ANKK1: variants seen among roughly 807,000 people sequenced by gnomAD.
ANKK1 encodes the protein ankyrin repeat and kinase domain containing 1, also known as ankyrin repeat and protein kinase domain-containing protein 1.
Under a neutral mutation model 37.6 loss-of-function variants are expected in ANKK1, and 37 were observed. That is an observed-to-expected ratio of 0.98 (90% CI 0.76 to 1.29). The LOEUF is 1.29. Ranked by LOEUF, ANKK1 falls within the 50% of genes most tolerant of loss-of-function variation. The pLI is 0.00. For missense variants in ANKK1, 1,019 were observed against 990.6 expected, an observed-to-expected ratio of 1.03 and a Z score of -0.39; for synonymous variants, 415 against 418.7, an observed-to-expected ratio of 0.99 and a Z score of 0.11.
In ANKK1 at chr11:113,400,243, G is replaced by A; in HGVS notation, c.2274G>A (p.Lys758=). 1 of 1,541,894 alleles carries A rather than the reference G, an allele frequency of 6.5e-7. No individual in the cohort carries two copies. Among genetic ancestry groups the A allele is most frequent in the Non-Finnish European group, 8.8e-7 (1 of 1,140,938 alleles). The change falls in exon 8 of 8, where the codon AAG becomes AAA. Residue 758 remains lysine (K), a synonymous_variant. Coordinates refer to ENST00000303941, the MANE Select transcript of ANKK1 (RefSeq NM_178510.2). ...EPSVATLGGS[K]PGAEMEI ...CAGTGGCCACTCTGGGTGGTTCTAAGCCAGGAGCCGAGATGGAAATTTAGA... is the reference window on the plus strand; with the variant it reads ...CAGTGGCCACTCTGGGTGGTTCTAAACCAGGAGCCGAGATGGAAATTTAGA...
In ANKK1 at chr11:113,393,640, CT is replaced by C; in HGVS notation, c.346del (p.Cys116AlafsTer16). The C allele has an allele frequency of 6.2e-7, 1 of 1,613,968 alleles. No homozygotes were observed. On this transcript the variant is annotated frameshift_variant, in exon 2 of 8. Transcript: ENST00000303941. LOFTEE classifies it high-confidence loss of function. ...AGAAGGTGCTGTCCACCCACAGCCT[CT>C]GCTGGAAGCTCAGGTTCCGCATCAT... ...LEKVLSTHSL[C>X]WKLRFRIIHE...
chr11:113,389,244 C>A (rs944480857), intron 1 of ANKK1, among the ~76,000 whole-genome samples: 2 of 152,174 alleles, frequency 1.3e-5, no homozygotes, highest in Non-Finnish European at 2.9e-5. Flanking sequence ...ATGCTAACTC[C>A]TGCCACTTTC....
At position 113,396,888 on chromosome 11, in the gene ANKK1, G is replaced by A. The variant is rs550220566; in HGVS notation, c.839-336G>A. ...TTTCCTCATTTGTAAAATGTTTCCAGGCCATGAGATCACAGGCTGAGGATG... is the reference window on the plus strand; with the variant it reads ...TTTCCTCATTTGTAAAATGTTTCCAAGCCATGAGATCACAGGCTGAGGATG... On this transcript the variant is annotated intron_variant, in intron 5 of 7. Coordinates refer to ENST00000303941, the MANE Select transcript of ANKK1 (RefSeq NM_178510.2). Among the ~76,000 whole-genome samples, 4 of 152,306 alleles carry A rather than the reference G, an allele frequency of 2.6e-5. No individual in the cohort carries two copies. The East Asian group carries it at 7.7e-4, about 29-fold the overall frequency.
At position 113,388,076 on chromosome 11, in the gene ANKK1, C is replaced by T. The variant is rs1449837804; in HGVS notation, c.185+7C>T. The T allele has an allele frequency of 3.4e-6, 5 of 1,472,940 alleles. No individual in the cohort carries two copies. In the African/African-American group the frequency reaches 5.7e-5, roughly 17 times the overall value. 91.2% of individuals were successfully genotyped at this position (1,472,940 alleles called of 1,614,324 possible). A position where few individuals can be genotyped will look rare whatever the true frequency, so the allele number is the denominator to read the frequency against. ...TTCCACCCGACGCCGCCAGGTACTG[C>T]CAGCCTCGCCCTCCCCTTTCTCGGA... On this transcript the variant is annotated splice_region_variant and intron_variant, in intron 1 of 7. Coordinates refer to ENST00000303941, the MANE Select transcript of ANKK1 (RefSeq NM_178510.2).
Position 113,387,869 on chromosome 11 carries a change from C to T in ANKK1, c.-16C>T. 6.6e-7 allele frequency: 1 copy of T among 1,507,494 alleles called. No homozygotes were observed. The highest frequency in any genetic ancestry group is 8.9e-7 in the Non-Finnish European group (1 of 1,127,266). 93.4% of individuals were successfully genotyped at this position (1,507,494 alleles called of 1,614,324 possible). On this transcript the variant is annotated 5_prime_UTR_variant, in exon 1 of 8. Coordinates refer to ENST00000303941, the MANE Select transcript of ANKK1 (RefSeq NM_178510.2). Reference sequence around the variant, plus strand: ...CAGCGGGGAGTGCGCGGCGCGGGGACAGGAAGAGAGGGGCAATGGCTGCCG... The same window carrying T: ...CAGCGGGGAGTGCGCGGCGCGGGGATAGGAAGAGAGGGGCAATGGCTGCCG...
At position 113,395,413 on chromosome 11, in the gene ANKK1, G is replaced by T. The variant is rs765015422; in HGVS notation, c.682+5G>T. ...CTCAGAAGAAACCATACTCAGGTAA[G>T]CAGGCGGCTGTGGCTCTGTGTTGGG... On this transcript the variant is annotated splice_donor_5th_base_variant and intron_variant, in intron 4 of 7. Transcript: ENST00000303941. 1 of 1,613,878 alleles carries T rather than the reference G, an allele frequency of 6.2e-7. No individual in the cohort carries two copies. Among genetic ancestry groups the T allele is most frequent in the Non-Finnish European group, 8.5e-7 (1 of 1,179,822 alleles).
At chr11:113,397,051 T>C (rs1036278971) in intron 5 of ANKK1, among the ~76,000 whole-genome samples, 173 bp from the exon 6 acceptor site, 3 of 152,220 alleles carry the variant, frequency 2.0e-5, no homozygotes, top group African/African-American at 7.2e-5. Context: ...AGTGACTTGC[T>C]GAAGGTGCCC....
chr11:113,391,249 G>T (rs1041016092), intron 1 of ANKK1, among the ~76,000 whole-genome samples: 1 of 152,132 alleles, frequency 6.6e-6, no homozygotes, highest in Non-Finnish European at 1.5e-5. Context: ...ATGAGAGGAG[G>T]GTGATTAGGA....
In ANKK1 at chr11:113,399,875, C is replaced by G. The variant is rs775420902; in HGVS notation, c.1906C>G (p.His636Asp). ...NWTPLHLAARHGEEAVVSALL... is the reference protein window; with the variant it reads ...NWTPLHLAARDGEEAVVSALL... ...GACTCCCCTGCACCTAGCTGCACGC[C>G]ACGGGGAGGAGGCGGTGGTGTCAGC... is the stretch of plus-strand genomic sequence containing the variant. Residue 636 changes from histidine (H) to aspartate (D), a missense_variant, in exon 8 of 8, where the codon CAC becomes GAC. His to Asp is a moderately conservative substitution (Grantham distance 81). Coordinates refer to ENST00000303941, the MANE Select transcript of ANKK1 (RefSeq NM_178510.2). The G allele has an allele frequency of 3.7e-6, 6 of 1,613,092 alleles. No individual in the cohort carries two copies. In the Admixed American group the frequency reaches 1.0e-4, roughly 27 times the overall value.
In ANKK1 at chr11:113,399,787, G is replaced by A. The variant is rs753990582; in HGVS notation, c.1818G>A (p.Leu606=). ...PLHLAAYKGH[L]EIIHLLAESH... Reference sequence around the variant, plus strand: ...ATCTAGCAGCCTACAAGGGCCACCTGGAGATCATCCATCTGCTGGCAGAGA... The same window carrying A: ...ATCTAGCAGCCTACAAGGGCCACCTAGAGATCATCCATCTGCTGGCAGAGA... The change falls in exon 8 of 8, where the codon CTG becomes CTA. Residue 606 remains leucine, a synonymous_variant. Transcript: ENST00000303941. 1 of 1,603,488 alleles carries A rather than the reference G, an allele frequency of 6.2e-7. No homozygotes were observed. Among genetic ancestry groups the A allele is most frequent in the South Asian group, 1.1e-5 (1 of 89,368 alleles).
At chr11:113,395,320 T>C in intron 3 of ANKK1, 39 bp from the exon 4 acceptor site, 2 of 1,612,810 alleles carry the variant, frequency 1.2e-6, no homozygotes, top group Non-Finnish European at 1.7e-6. Flanking sequence ...TCTTGGATGT[T>C]CAACTAAGTC....
intron 1 of ANKK1, among the ~76,000 whole-genome samples, chr11:113,389,947 T>C (rs537595518): frequency 4.6e-5 from 7 of 152,084 alleles, no homozygotes; most frequent in Admixed American, 2.6e-4. Flanking sequence ...AGTTAGGAGA[T>C]TGTTATCTTC....
intron 1 of ANKK1, among the ~76,000 whole-genome samples, chr11:113,389,451 C>A (rs1253819341): frequency 1.3e-5 from 2 of 152,186 alleles, no homozygotes; most frequent in East Asian, 3.9e-4. Context: ...CTGTTCTACA[C>A]CCTGGGATTA....
chr11:113,395,553 T>C, intron 4 of ANKK1, 145 bp downstream of exon 4: 1 of 837,488 alleles, frequency 1.2e-6, no homozygotes, highest in Non-Finnish European at 1.9e-6. Flanking sequence ...ATTCCTCTCC[T>C]CACCCTCCTT....
At chr11:113,394,690 A>G in intron 2 of ANKK1, 1 of 658,232 alleles carries the variant, frequency 1.5e-6, no homozygotes, top group Non-Finnish European at 2.8e-6. Context: ...TCACAATAGC[A>G]CTGTGAGTTA....
intron 1 of ANKK1, among the ~76,000 whole-genome samples, chr11:113,390,629 G>A (rs910601338): frequency 6.6e-6 from 1 of 152,012 alleles, no homozygotes; most frequent in Non-Finnish European, 1.5e-5. Context: ...CAGCTACTCA[G>A]GAGGTTGAGA....
rs767125783 is a variant in ANKK1 at position 113,399,443 on chromosome 11, G to A, written c.1474G>A (p.Ala492Thr). Residue 492 changes from alanine (A) to threonine (T), a missense_variant, in exon 8 of 8, where the codon GCT becomes ACT. Coordinates refer to ENST00000303941, the MANE Select transcript of ANKK1 (RefSeq NM_178510.2). ...SRQADPNLHE[A>T]EGKTPLHVAA... Reference sequence around the variant, plus strand: ...TCAGGCTGACCCCAACCTGCATGAGGCTGAGGGCAAGACCCCCCTCCATGT... The same window carrying A: ...TCAGGCTGACCCCAACCTGCATGAGACTGAGGGCAAGACCCCCCTCCATGT... The A allele has an allele frequency of 2.7e-5, 43 of 1,596,198 alleles. No individual in the cohort carries two copies. Among genetic ancestry groups the A allele is most frequent in the Non-Finnish European group, 3.4e-5 (40 of 1,171,674 alleles).
rs1294347453 is a variant in ANKK1 at position 113,393,543 on chromosome 11, T to C, written c.248T>C (p.Ile83Thr). Residue 83 changes from isoleucine to threonine, a missense_variant, in exon 2 of 8, where the codon ATC becomes ACC. Transcript: ENST00000303941. Reference protein sequence around the residue: ...AKMKKIKFQHIVSIYGVCKQP... With the variant: ...AKMKKIKFQHTVSIYGVCKQP... ...ATGAAGAAGATCAAGTTTCAGCACA[T>C]CGTGTCTATCTACGGGGTGTGCAAG... 2 of 1,613,854 alleles carry C rather than the reference T, an allele frequency of 1.2e-6. No homozygotes were observed. Among genetic ancestry groups the C allele is most frequent in the Non-Finnish European group, 1.7e-6 (2 of 1,179,896 alleles).
At chr11:113,395,337 A>G (rs1950628903) in intron 3 of ANKK1, 22 bp from the exon 4 acceptor site, 1 of 1,613,816 alleles carries the variant, frequency 6.2e-7, no homozygotes, top group East Asian at 2.2e-5. Flanking sequence ...AGTCATTCAG[A>G]AAGGGTTCTC....
Sources: allele counts gnomAD v4.1 joint callset (sites outside exome capture counted in the v4.1 genomes callset), GRCh38; gene constraint gnomAD v4.1.1; transcripts MANE v1.5; gene names NCBI Gene and HGNC (gene_info 2026-07-23, HGNC 2026-07-21).